Variants in MEF2B observed in about 807,000 individuals in gnomAD.
The protein encoded by MEF2B is myocyte enhancer factor 2B, also known as myocyte-specific enhancer factor 2B.
A neutral mutation model predicts 32.2 loss-of-function variants in MEF2B; 15 were observed. The ratio of observed to expected loss-of-function variants is 0.47; its 90% CI spans 0.31 to 0.72. The LOEUF (loss-of-function observed/expected upper bound fraction) is 0.72. Among genes scored for constraint, MEF2B ranks in the 30% least tolerant of loss-of-function variants. MEF2B has a pLI of 0.05. For missense variants in MEF2B, 441 were observed against 511.5 expected (o/e 0.86, Z 1.33); for synonymous variants, 205 against 225.6 (o/e 0.91, Z 0.82).
At chr19:19,164,993 C>A (rs67845377) in intron 1 of MEF2B, among the ~76,000 whole-genome samples, 3 of 152,204 alleles carry the variant, frequency 2.0e-5, no homozygotes, top group Admixed American at 2.0e-4. Flanking sequence ...CATCTGTCAG[C>A]GCTGGGCAGA....
rs753251202 is a variant in MEF2B, at chr19:19,145,746, G to A, written c.*51C>T. ...CTGGAGGGAGGTGGGGTCCCCACGTGCCCTCGCCGTACCTGGCGAGCGCTC... is the reference window on the plus strand; with the variant it reads ...CTGGAGGGAGGTGGGGTCCCCACGTACCCTCGCCGTACCTGGCGAGCGCTC... On this transcript the variant is annotated 3_prime_UTR_variant, in exon 9 of 9. Coordinates refer to ENST00000424583, the MANE Select transcript of MEF2B (RefSeq NM_001145785.2). The surrounding 1 kb of genome is among the most constrained non-coding windows in gnomAD (Gnocchi z 4.6). 3.9e-6 allele frequency: 6 copies of A among 1,558,168 alleles called. No individual in the cohort carries two copies. Among genetic ancestry groups the A allele is most frequent in the South Asian group, 1.2e-5 (1 of 84,608 alleles).
chr19:19,162,547 C>T (rs2060172594), intron 1 of MEF2B, among the ~76,000 whole-genome samples: 1 of 152,178 alleles, frequency 6.6e-6, no homozygotes, highest in Admixed American at 6.5e-5. Flanking sequence ...TTAGAATGTT[C>T]CAGCTGGAGA....
In MEF2B at chr19:19,145,658, C is replaced by T; in HGVS notation, c.*139G>A. The T allele has an allele frequency of 6.5e-7, 1 of 1,528,106 alleles. No individual in the cohort carries two copies. The highest frequency in any genetic ancestry group is 8.8e-7 in the Non-Finnish European group (1 of 1,135,980). 94.7% of individuals were successfully genotyped at this position (1,528,106 alleles called of 1,614,324 possible). On this transcript the variant is annotated 3_prime_UTR_variant, in exon 9 of 9. Coordinates refer to ENST00000424583, the MANE Select transcript of MEF2B (RefSeq NM_001145785.2). This position sits in a 1 kb window ranked among gnomAD's most constrained non-coding sequence, Gnocchi z 4.6. ...GCCCCCCAGGGTGGATTGAGTCCAG[C>T]CGCCCACCTCCAAGCCCCCACCGCG...
At chr19:19,156,351 C>T (rs749457427) in intron 1 of MEF2B, among the ~76,000 whole-genome samples, 15 of 151,040 alleles carry the variant, frequency 9.9e-5, no homozygotes, top group Middle Eastern at 3.5e-3. Context: ...TTGAGCCTAG[C>T]GGTTCAAGAC....
At chr19:19,167,667 A>T (rs896912338) in intron 1 of MEF2B, among the ~76,000 whole-genome samples, 11 of 152,174 alleles carry the variant, frequency 7.2e-5, no homozygotes, top group African/African-American at 2.4e-4. Context: ...CCAGATGTCC[A>T]CCTGGTTGGG....
chr19:19,154,839 C>T (rs1357696650), intron 1 of MEF2B, among the ~76,000 whole-genome samples: 1 of 152,180 alleles, frequency 6.6e-6, no homozygotes, highest in Admixed American at 6.5e-5. Context: ...GGGTGGAGAT[C>T]ATGGGCGGCT....
At chr19:19,149,167 G>A (rs546771452) in intron 3 of MEF2B, 59 bp downstream of exon 3, 9 of 1,592,404 alleles carry the variant, frequency 5.7e-6, no homozygotes, top group Admixed American at 1.7e-5. Context: ...GAGTCCCTGG[G>A]CTCTGAGAAA....
chr19:19,148,543 T>A (rs2060046417), intron 3 of MEF2B, among the ~76,000 whole-genome samples: 1 of 152,036 alleles, frequency 6.6e-6, no homozygotes, highest in East Asian at 1.9e-4. Flanking sequence ...AACCGCATGC[T>A]CCCGGACCCC....
intron 1 of MEF2B, among the ~76,000 whole-genome samples, chr19:19,168,360 G>A (rs1011224236): frequency 1.3e-4 from 18 of 134,964 alleles, no homozygotes; most frequent in Admixed American, 6.8e-4. Context: ...CACAACCTCC[G>A]CCTCCTGGGT....
Position 19,153,024 on chromosome 19 carries a change from T to C in MEF2B, c.-29-2260A>G, listed in dbSNP as rs1160323593. Among the ~76,000 whole-genome samples the C allele has an allele frequency of 3.3e-5, 5 of 152,182 alleles. No individual in the cohort carries two copies. The East Asian group carries it at 9.6e-4, about 29-fold the overall frequency. ...CGGGCCTGTTCCCACGGCTGGGATATGTTGCCCCCACCCTGATGGGTCCCT... is the reference window on the plus strand; with the variant it reads ...CGGGCCTGTTCCCACGGCTGGGATACGTTGCCCCCACCCTGATGGGTCCCT... On this transcript the variant is annotated intron_variant, in intron 1 of 8. Coordinates refer to ENST00000424583, the MANE Select transcript of MEF2B (RefSeq NM_001145785.2).
Position 19,145,838 on chromosome 19 carries a change from C to A in MEF2B, c.1066G>T (p.Ala356Ser). ...TCGGCCAAGGGCAGCCGGCGCAGGG[C>A]GGGCCCAGGCCGCAGAGGCTCTGCC... is the stretch of plus-strand genomic sequence containing the variant. ...SLAEPLRPGPALRRLPLADGW... is the reference protein window; with the variant it reads ...SLAEPLRPGPSLRRLPLADGW... The change falls in exon 9 of 9, where the codon GCC becomes TCC. Residue 356 changes from alanine to serine, a missense_variant. Physicochemically the swap from Ala to Ser is moderately conservative, Grantham distance 99. Transcript: ENST00000424583. This position sits in a 1 kb window ranked among gnomAD's most constrained non-coding sequence, Gnocchi z 4.6. 6.6e-7 allele frequency: 1 copy of A among 1,514,324 alleles called. No individual in the cohort carries two copies. The highest frequency in any genetic ancestry group is 8.9e-7 in the Non-Finnish European group (1 of 1,127,816). 93.8% of individuals were successfully genotyped at this position (1,514,324 alleles called of 1,614,324 possible).
At chr19:19,157,567 G>C (rs1388637153) in intron 1 of MEF2B, among the ~76,000 whole-genome samples, 1 of 152,232 alleles carries the variant, frequency 6.6e-6, no homozygotes, top group Admixed American at 6.5e-5. Flanking sequence ...CACTGATGCA[G>C]CTGGGCGCAG....
At chr19:19,169,478 C>T (rs2060235698) in intron 1 of MEF2B, among the ~76,000 whole-genome samples, 1 of 152,164 alleles carries the variant, frequency 6.6e-6, no homozygotes, top group African/African-American at 2.4e-5. Flanking sequence ...GCTGGGATTA[C>T]AGGCATGAGC....
At chr19:19,157,756 G>A (rs958673676) in intron 1 of MEF2B, among the ~76,000 whole-genome samples, 1 of 152,202 alleles carries the variant, frequency 6.6e-6, no homozygotes, top group African/African-American at 2.4e-5. Flanking sequence ...GCTGAGGCAG[G>A]AGAATAGCTT....
At chr19:19,163,287 C>T (rs902662270) in intron 1 of MEF2B, among the ~76,000 whole-genome samples, 1 of 152,086 alleles carries the variant, frequency 6.6e-6, no homozygotes, top group Admixed American at 6.5e-5. Flanking sequence ...TCTGGAGTAG[C>T]TGGGAGTAGC....
At chr19:19,148,798 G>A (rs538395361) in intron 3 of MEF2B, among the ~76,000 whole-genome samples, 9 of 151,648 alleles carry the variant, frequency 5.9e-5, no homozygotes, top group African/African-American at 1.2e-4. Flanking sequence ...TGCAACCTCC[G>A]CCTCCCGGGT....
intron 1 of MEF2B, among the ~76,000 whole-genome samples, chr19:19,162,685 T>A (rs2060173934): frequency 6.6e-6 from 1 of 152,122 alleles, no homozygotes; most frequent in Non-Finnish European, 1.5e-5. Flanking sequence ...GGACAGCTCC[T>A]GTTCGAGGGG....
At chr19:19,148,269 G>C (rs2060044193) in intron 3 of MEF2B, among the ~76,000 whole-genome samples, 1 of 152,234 alleles carries the variant, frequency 6.6e-6, no homozygotes, top group Non-Finnish European at 1.5e-5. Flanking sequence ...TTTGAGACCA[G>C]CCTGGCCAAC....
intron 1 of MEF2B, among the ~76,000 whole-genome samples, chr19:19,159,444 G>C (rs564376104): frequency 2.6e-5 from 4 of 151,940 alleles, no homozygotes; most frequent in African/African-American, 9.6e-5. Context: ...GCTCCTTGCT[G>C]CTTATGGCTG....
Sources: allele counts gnomAD v4.1 joint callset (sites outside exome capture counted in the v4.1 genomes callset), GRCh38; gene constraint gnomAD v4.1.1; non-coding constraint Gnocchi (gnomAD v3.1); transcripts MANE v1.5; gene names NCBI Gene and HGNC (gene_info 2026-07-23, HGNC 2026-07-21).